Variants in FMR1NB observed in about 807,000 individuals in gnomAD.
FMR1NB encodes the protein FMR1 neighbor protein.
A neutral mutation model predicts 16.8 loss-of-function variants in FMR1NB; 10 were observed. The ratio of observed to expected loss-of-function variants is 0.60; its 90% confidence interval spans 0.37 to 1.01. FMR1NB has a LOEUF of 1.01. FMR1NB is among the 50% of genes least tolerant of loss of function. The probability of loss-of-function intolerance (pLI) is 0.01; values close to 1 mark genes in which losing one functional copy is unlikely to be tolerated. For missense variants in FMR1NB, 205 were observed against 204.8 expected (o/e 1.00, Z 0.00); for synonymous variants, 83 against 79.1 (o/e 1.05, Z -0.26).
intron 2 of FMR1NB, among the ~76,000 whole-genome samples, chrX:148,003,852 C>T (rs1224633795): frequency 9.0e-6 from 1 of 111,671 alleles, no homozygotes; most frequent in Non-Finnish European, 1.9e-5. Flanking sequence ...GAATTATTAA[C>T]CACAAATAAA....
chrX:148,015,372 T>C (rs187491898), intron 4 of FMR1NB, among the ~76,000 whole-genome samples: 1 of 111,879 alleles, frequency 8.9e-6, no homozygotes, highest in Admixed American at 9.5e-5. Flanking sequence ...GTGGGTTTGG[T>C]TTGATTTTGC....
chrX:148,019,483 G>A (rs1468479551), intron 4 of FMR1NB, among the ~76,000 whole-genome samples: 5 of 111,771 alleles, frequency 4.5e-5, no homozygotes, highest in African/African-American at 1.6e-4. Context: ...GTCTGTGTCT[G>A]GGCATTGAAG....
At position 147,981,666 on chromosome X, in the gene FMR1NB, C is replaced by T; in HGVS notation, c.264C>T (p.Tyr88=). Residue 88 remains tyrosine, a synonymous_variant, in exon 1 of 6, where the codon TAC becomes TAT. Transcript: ENST00000370467. The stretch of plus-strand genomic sequence containing the variant: ...TGTTCGTGTGCTACTACCTGTCCTA[C>T]TACCTGTGCTCCGGTGAGTGCTGGC... ...ILLFVCYYLS[Y]YLCSGSSYFV... is the part of the protein sequence containing the mutation. The T allele has an allele frequency of 8.4e-7, 1 of 1,192,373 alleles. No individual in the cohort carries two copies. Among genetic ancestry groups the T allele is most frequent in the Non-Finnish European group, 1.1e-6 (1 of 885,740 alleles).
intron 1 of FMR1NB, among the ~76,000 whole-genome samples, chrX:148,001,055 C>A (rs2044567965): frequency 8.9e-6 from 1 of 111,990 alleles, no homozygotes; most frequent in Non-Finnish European, 1.9e-5. Context: ...AGCTCTCTTA[C>A]ATACCATCAA....
intron 4 of FMR1NB, among the ~76,000 whole-genome samples, chrX:148,013,921 T>G (rs782300509): frequency 8.9e-6 from 1 of 111,809 alleles, no homozygotes; most frequent in East Asian, 2.8e-4. Flanking sequence ...TTATCCTCAA[T>G]ATATAATCTT....
intron 4 of FMR1NB, among the ~76,000 whole-genome samples, chrX:148,011,662 C>G (rs1285089919): frequency 6.3e-5 from 7 of 111,315 alleles, no homozygotes; most frequent in Non-Finnish European, 9.4e-5. Flanking sequence ...GGTAGAGGTG[C>G]CGTTTCAGGT....
chrX:148,003,199 AG>A lies in FMR1NB; in HGVS notation c.279del. On this transcript the variant is annotated splice_acceptor_variant, in intron 1 of 5. Transcript: ENST00000370467. LOFTEE classifies it high-confidence loss of function. ...GGATTAATAATTTTACTTCTTCTTAAGGGTCCTCATATTTTGTGCTTGCAAA... is the reference window on the plus strand; with the variant it reads ...GGATTAATAATTTTACTTCTTCTTAAGGTCCTCATATTTTGTGCTTGCAAA... 1 of 1,207,328 alleles carries A rather than the reference AG, an allele frequency of 8.3e-7. No individual in the cohort carries two copies. Among genetic ancestry groups the A allele is most frequent in the South Asian group, 1.8e-5 (1 of 56,056 alleles).
intron 1 of FMR1NB, among the ~76,000 whole-genome samples, chrX:147,991,647 C>CTTTTTTTTTTTTTTTTTTTTTTTTT (rs782065632): frequency 2.3e-5 from 2 of 87,369 alleles, no homozygotes; most frequent in African/African-American, 9.7e-5. Flanking sequence ...GGCCTTCCTT[C>CTTTTTTTTTTTTTTTTTTTTTTTTT]TTTTTTTTTT....
At chrX:147,992,091 T>C (rs1429089574) in intron 1 of FMR1NB, among the ~76,000 whole-genome samples, 1 of 111,910 alleles carries the variant, frequency 8.9e-6, no homozygotes, top group African/African-American at 3.2e-5. Flanking sequence ...ATCTGACTTC[T>C]CAATCCCTTC....
rs183049263 is a variant in FMR1NB, at chrX:148,009,809, G to A, written c.632+1098G>A. 2.7e-3 allele frequency among the ~76,000 whole-genome samples: 297 copies of A among 112,071 alleles called. 1 individual carries two copies. Among genetic ancestry groups the A allele is most frequent in the African/African-American group, 8.9e-3 (274 of 30,864 alleles). On this transcript the variant is annotated intron_variant, in intron 4 of 5. Coordinates refer to ENST00000370467, the MANE Select transcript of FMR1NB (RefSeq NM_152578.3). ...GTTACCAGAATATGGTTTAGATTTC[G>A]CAAGAAGAGTTAGACTATATACACT... is the stretch of plus-strand genomic sequence containing the variant.
At chrX:147,995,883 CAA>C (rs2044539031) in intron 1 of FMR1NB, among the ~76,000 whole-genome samples, 1 of 112,040 alleles carries the variant, frequency 8.9e-6, no homozygotes, top group South Asian at 3.7e-4. Context: ...AGCTAGGAAT[CAA>C]GAGATCTAGG....
At chrX:147,989,724 G>A (rs782500069) in intron 1 of FMR1NB, among the ~76,000 whole-genome samples, 10 of 111,717 alleles carry the variant, frequency 9.0e-5, no homozygotes, top group Non-Finnish European at 1.9e-4. Flanking sequence ...GCCCAGTGAA[G>A]AGGAATCTAG....
chrX:147,986,983 G>A (rs1352606414), intron 1 of FMR1NB, among the ~76,000 whole-genome samples: 3 of 110,580 alleles, frequency 2.7e-5, no homozygotes, highest in Non-Finnish European at 3.8e-5. Context: ...TGTTTGTGTC[G>A]TCTCTTATTT....
intron 1 of FMR1NB, among the ~76,000 whole-genome samples, chrX:147,990,267 C>G (rs1020905943): frequency 1.8e-5 from 2 of 111,240 alleles, no homozygotes; most frequent in Non-Finnish European, 1.9e-5. Flanking sequence ...TTGCACTTCC[C>G]AGGTAAGGCG....
At chrX:148,007,833 T>G (rs1557189273) in intron 3 of FMR1NB, among the ~76,000 whole-genome samples, 1 of 112,002 alleles carries the variant, frequency 8.9e-6, no homozygotes, top group Admixed American at 9.5e-5. Flanking sequence ...TATGTAGTAT[T>G]AATACTGGAA....
intron 1 of FMR1NB, among the ~76,000 whole-genome samples, chrX:148,002,081 A>G (rs1280745659): frequency 9.0e-6 from 1 of 111,551 alleles, no homozygotes; most frequent in Admixed American, 9.6e-5. Flanking sequence ...GGTAAAAATA[A>G]TAAAGGAAGA....
Position 148,003,241 on chromosome X carries a change from C to A in FMR1NB, c.318C>A (p.Pro106=). Residue 106 remains proline (P), a synonymous_variant, in exon 2 of 6, where the codon CCC becomes CCA. Transcript: ENST00000370467. ...YFVLANGHIL[P]NSENAHGQSL... is the part of the protein sequence containing the mutation. Reference sequence around the variant, plus strand: ...TGCTTGCAAATGGACATATCCTGCCCAACAGTGAAAATGCTCATGGCCAAT... The same window carrying A: ...TGCTTGCAAATGGACATATCCTGCCAAACAGTGAAAATGCTCATGGCCAAT... The A allele has an allele frequency of 8.3e-7, 1 of 1,210,157 alleles. No individual in the cohort carries two copies. The highest frequency in any genetic ancestry group is 1.7e-5 in the African/African-American group (1 of 57,836).
chrX:148,000,913 T>C (rs1195123107), intron 1 of FMR1NB, among the ~76,000 whole-genome samples: 1 of 111,849 alleles, frequency 8.9e-6, no homozygotes, highest in Non-Finnish European at 1.9e-5. Context: ...GGTGTTAATA[T>C]TGTAAAGAAA....
chrX:147,989,924 A>T (rs913361006), intron 1 of FMR1NB, among the ~76,000 whole-genome samples: 3 of 110,300 alleles, frequency 2.7e-5, no homozygotes, highest in African/African-American at 9.9e-5. Context: ...AGTCATTCTT[A>T]GCTTCCTGGG....
Sources: gnomAD v4.1 joint callset for allele counts (sites outside exome capture counted in the v4.1 genomes callset) on GRCh38, gnomAD v4.1.1 for gene constraint, MANE v1.5 for transcripts, NCBI Gene and HGNC (gene_info 2026-07-23, HGNC 2026-07-21) for gene names.